EPHA6: variants seen among roughly 807,000 people sequenced by gnomAD.
EPHA6 encodes ephrin type-A receptor 6.
In EPHA6, 50 loss-of-function variants were observed where a neutral mutation model predicts 112.0. That is an observed-to-expected ratio of 0.45 (90% confidence interval 0.36 to 0.56). The LOEUF (loss-of-function observed/expected upper bound fraction) is 0.56. Among genes scored for constraint, EPHA6 ranks in the 20% least tolerant of loss-of-function variants. The pLI is 0.00. For missense variants in EPHA6, 1,280 were observed against 1,417.4 expected, an observed-to-expected ratio of 0.90 and a Z score of 1.56; for synonymous variants, 529 against 490.7, an observed-to-expected ratio of 1.08 and a Z score of -1.03.
At chr3:97,096,060 T>G (rs1055736054) in intron 3 of EPHA6, among the ~76,000 whole-genome samples, 1 of 152,022 alleles carries the variant, frequency 6.6e-6, no homozygotes, top group African/African-American at 2.4e-5. Context: ...GAGGACCTAA[T>G]ATGAAATTCA....
intron 3 of EPHA6, among the ~76,000 whole-genome samples, chr3:97,122,960 C>T (rs1007721963): frequency 6.6e-5 from 10 of 151,914 alleles, no homozygotes; most frequent in African/African-American, 2.4e-4. Context: ...GTTTAGATCT[C>T]TTTGTATACA....
At chr3:96,892,758 A>G (rs2038038343) in intron 2 of EPHA6, among the ~76,000 whole-genome samples, 1 of 152,122 alleles carries the variant, frequency 6.6e-6, no homozygotes, top group African/African-American at 2.4e-5. Context: ...TCATGGGATG[A>G]GATAAAGTTT....
At chr3:96,975,874 A>G (rs1343485660) in intron 2 of EPHA6, among the ~76,000 whole-genome samples, 1 of 152,164 alleles carries the variant, frequency 6.6e-6, no homozygotes, top group Non-Finnish European at 1.5e-5. Context: ...TGTATTATTT[A>G]ATTTGATTTA....
In EPHA6 at chr3:97,056,780, A is replaced by G. The variant is rs192032812; in HGVS notation, c.1114+68787A>G. 5.4e-3 allele frequency among the ~76,000 whole-genome samples: 819 copies of G among 152,196 alleles called. 7 individuals are homozygous for G. Among genetic ancestry groups the G allele is most frequent in the African/African-American group, 0.019 (798 of 41,534 alleles). ...ACGCGGCATCTTCATTTAATCTTCC[A>G]TTTCTCTGTAAAGTGGGAATATTAA... On this transcript the variant is annotated intron_variant, in intron 3 of 17. Coordinates refer to ENST00000389672, the MANE Select transcript of EPHA6 (RefSeq NM_001080448.3).
chr3:97,323,244 G>A (rs2082205964), intron 5 of EPHA6, among the ~76,000 whole-genome samples: 1 of 151,476 alleles, frequency 6.6e-6, no homozygotes, highest in Non-Finnish European at 1.5e-5. Context: ...ATGTAATTTT[G>A]ACTATAAAAT....
intron 5 of EPHA6, among the ~76,000 whole-genome samples, chr3:97,248,204 T>G (rs1001442145): frequency 2.6e-5 from 4 of 152,082 alleles, no homozygotes. Flanking sequence ...AAACTATGAC[T>G]TTCATCATAA....
intron 14 of EPHA6, among the ~76,000 whole-genome samples, chr3:97,687,526 C>T (rs77083674): frequency 0.012 from 1,797 of 152,224 alleles, 51 homozygotes; most frequent in African/African-American, 0.041. Flanking sequence ...GAATGAGACG[C>T]TGAGGAGTTA....
intron 1 of EPHA6, among the ~76,000 whole-genome samples, chr3:96,829,465 T>C (rs943344646): frequency 3.9e-5 from 6 of 152,134 alleles, no homozygotes; most frequent in African/African-American, 7.2e-5. Flanking sequence ...TACAGGATGC[T>C]CCTTTTCCAA....
chr3:97,010,000 A>G (rs981219314), intron 3 of EPHA6: 30 of 780,872 alleles, frequency 3.8e-5, no homozygotes, highest in Non-Finnish European at 5.3e-5. Flanking sequence ...TTTTTTTTTG[A>G]TAGGAGCCTC....
chr3:97,180,247 A>G (rs2108449107), intron 3 of EPHA6, among the ~76,000 whole-genome samples: 1 of 152,058 alleles, frequency 6.6e-6, no homozygotes, highest in East Asian at 1.9e-4. Flanking sequence ...GCTTGTCATG[A>G]ATTCCTCCTG....
At chr3:97,576,863 A>G (rs748156780) in intron 11 of EPHA6, among the ~76,000 whole-genome samples, 29 of 152,364 alleles carry the variant, frequency 1.9e-4, no homozygotes, top group Non-Finnish European at 2.5e-4. Flanking sequence ...TGTGAAAGGT[A>G]CAATGAACAA....
At position 97,275,138 on chromosome 3, in the gene EPHA6, G is replaced by C. The variant is rs150174436; in HGVS notation, c.1606+30851G>C. Among the ~76,000 whole-genome samples, 57 of 152,238 alleles carry C rather than the reference G, an allele frequency of 3.7e-4. 1 individual carries two copies. In the South Asian group the frequency reaches 4.1e-3, roughly 11 times the overall value. On this transcript the variant is annotated intron_variant, in intron 5 of 17. Transcript: ENST00000389672. ...CAGAAAGGCTACAGGGTGTGGTCCC[G>C]GCTCCTGTGTAAGAATTCTGACCAC...
chr3:96,965,987 A>G (rs562786410), intron 2 of EPHA6, among the ~76,000 whole-genome samples: 25 of 152,086 alleles, frequency 1.6e-4, no homozygotes, highest in South Asian at 6.2e-4. Flanking sequence ...CTGTTCCATG[A>G]TCTATTTCTC....
chr3:96,946,263 T>C (rs770721608), intron 2 of EPHA6, among the ~76,000 whole-genome samples: 1 of 152,138 alleles, frequency 6.6e-6, no homozygotes, highest in Non-Finnish European at 1.5e-5. Context: ...CATATTGGTG[T>C]GCTGCACCGA....
chr3:96,880,677 C>T (rs1455380265), intron 2 of EPHA6, among the ~76,000 whole-genome samples: 1 of 152,070 alleles, frequency 6.6e-6, no homozygotes, highest in East Asian at 1.9e-4. Flanking sequence ...TAATCTGTTG[C>T]ACCCCATTCT....
chr3:96,980,681 T>G (rs1000791806), intron 2 of EPHA6, among the ~76,000 whole-genome samples: 1 of 152,202 alleles, frequency 6.6e-6, no homozygotes. Flanking sequence ...TTCCTACCCA[T>G]GAGCATGGAA....
intron 2 of EPHA6, among the ~76,000 whole-genome samples, chr3:96,958,071 A>G (rs1429505628): frequency 6.6e-6 from 1 of 152,154 alleles, no homozygotes; most frequent in Non-Finnish European, 1.5e-5. Flanking sequence ...TTCTTTCTCC[A>G]TGCTCTACTG....
chr3:97,178,102 GT>G (rs2076888124), intron 3 of EPHA6, among the ~76,000 whole-genome samples: 1 of 151,636 alleles, frequency 6.6e-6, no homozygotes, highest in Non-Finnish European at 1.5e-5. Context: ...CCTGCTTTTT[GT>G]TTTTATGTTT....
intron 15 of EPHA6, among the ~76,000 whole-genome samples, chr3:97,725,124 T>C (rs1576357625): frequency 6.6e-6 from 1 of 152,046 alleles, no homozygotes; most frequent in Non-Finnish European, 1.5e-5. Flanking sequence ...TCGTGCAGGA[T>C]TTTTAGTGCT....
Sources: gnomAD v4.1 joint callset for allele counts (sites outside exome capture counted in the v4.1 genomes callset) on GRCh38, gnomAD v4.1.1 for gene constraint, MANE v1.5 for transcripts, NCBI Gene and HGNC (gene_info 2026-07-23, HGNC 2026-07-21) for gene names.